Variants in CAST observed in about 807,000 individuals in gnomAD.
CAST encodes the protein MIR583 host.
In CAST, 76 loss-of-function variants were observed where a neutral mutation model predicts 119.6. That is an observed-to-expected ratio of 0.64 (90% confidence interval 0.53 to 0.77). The LOEUF is 0.77. Among genes scored for constraint, CAST ranks in the 30% least tolerant of loss-of-function variants. The pLI, the probability that CAST is intolerant of heterozygous loss-of-function variation, is 0.00. For missense variants in CAST, 953 were observed against 946.5 expected (o/e 1.01, Z -0.09); for synonymous variants, 319 against 331.6 (o/e 0.96, Z 0.41).
intron 1 of CAST, among the ~76,000 whole-genome samples, chr5:96,576,238 A>C (rs1354388864): frequency 6.6e-6 from 1 of 152,146 alleles, no homozygotes; most frequent in East Asian, 1.9e-4. Flanking sequence ...ATGAGTTGAA[A>C]AGTGTTCCTT....
the CAST span, among the ~76,000 whole-genome samples, chr5:96,286,386 G>A: frequency 6.6e-6 from 1 of 152,164 alleles, no homozygotes; most frequent in Non-Finnish European, 1.5e-5. Context: ...ATGGATGGAA[G>A]CTGCAAACAA....
chr5:96,658,795 T>C (rs1205715379), upstream of CAST, among the ~76,000 whole-genome samples: 1 of 152,200 alleles, frequency 6.6e-6, no homozygotes, highest in East Asian at 1.9e-4. Context: ...AGGGAACTGA[T>C]ATTCAAAGTG....
chr5:96,231,321 A>T, the CAST span, among the ~76,000 whole-genome samples: 6 of 152,312 alleles, frequency 3.9e-5, no homozygotes, highest in South Asian at 1.2e-3. Context: ...TGAAGTGCTG[A>T]TATATGCTAC....
At chr5:96,471,406 C>T in the CAST span, among the ~76,000 whole-genome samples, 1 of 152,136 alleles carries the variant, frequency 6.6e-6, no homozygotes, top group Non-Finnish European at 1.5e-5. Flanking sequence ...TTTGCTTGAA[C>T]TAGCTAAAAT....
chr5:96,263,177 T>A, the CAST span, among the ~76,000 whole-genome samples: 1 of 152,198 alleles, frequency 6.6e-6, no homozygotes, highest in African/African-American at 2.4e-5. Flanking sequence ...GATCCCCAAG[T>A]GATTCTAATG....
the CAST span, among the ~76,000 whole-genome samples, chr5:96,338,153 C>T: frequency 6.6e-6 from 1 of 152,224 alleles, no homozygotes; most frequent in Non-Finnish European, 1.5e-5. Context: ...TTAAGAAGTT[C>T]TGTCATCATC....
chr5:96,214,891 C>T, the CAST span: 1 of 152,154 alleles, frequency 6.6e-6, no homozygotes, highest in Non-Finnish European at 1.5e-5. Flanking sequence ...GCTCTGTCCT[C>T]CTCTGACCTC....
At chr5:96,302,001 C>G in the CAST span, among the ~76,000 whole-genome samples, 1 of 152,206 alleles carries the variant, frequency 6.6e-6, no homozygotes, top group Non-Finnish European at 1.5e-5. Context: ...TAGAGGTTCT[C>G]CATGAGGACA....
the CAST span, among the ~76,000 whole-genome samples, chr5:96,068,835 G>GTA: frequency 2.0e-5 from 3 of 150,244 alleles, no homozygotes; most frequent in East Asian, 2.0e-4. Flanking sequence ...ACACACATAT[G>GTA]TATATATATA....
chr5:96,191,089 C>T, the CAST span, among the ~76,000 whole-genome samples: 1 of 152,140 alleles, frequency 6.6e-6, no homozygotes, highest in African/African-American at 2.4e-5. Flanking sequence ...GCACAGTAGT[C>T]CATGGAGCTT....
chr5:96,283,054 C>T, the CAST span, among the ~76,000 whole-genome samples: 10 of 145,864 alleles, frequency 6.9e-5, no homozygotes, highest in Non-Finnish European at 1.0e-4. Context: ...GGCGTGAACC[C>T]GGGAGGCGGA....
At chr5:96,739,457 A>G (rs755385955) in intron 11 of CAST, among the ~76,000 whole-genome samples, 14 of 152,270 alleles carry the variant, frequency 9.2e-5, no homozygotes, top group Non-Finnish European at 1.9e-4. Context: ...GCAGAATGAT[A>G]TGTAGAATAT....
the CAST span, among the ~76,000 whole-genome samples, chr5:96,127,464 G>T: frequency 6.6e-6 from 1 of 152,082 alleles, no homozygotes; most frequent in Non-Finnish European, 1.5e-5. Flanking sequence ...TCTGAAAGCT[G>T]AGTACTTCAC....
chr5:96,006,610 C>G, the CAST span, among the ~76,000 whole-genome samples: 1 of 152,146 alleles, frequency 6.6e-6, no homozygotes, highest in Non-Finnish European at 1.5e-5. Flanking sequence ...ATCAAACCTT[C>G]TGATGCCAGG....
At chr5:96,704,899 G>A (rs1219780754) in intron 3 of CAST, among the ~76,000 whole-genome samples, 1 of 152,164 alleles carries the variant, frequency 6.6e-6, no homozygotes, top group Non-Finnish European at 1.5e-5. Flanking sequence ...GGCATTTTGG[G>A]TGACAATTCT....
chr5:96,634,706 T>A (rs1234026320), intron 1 of CAST, among the ~76,000 whole-genome samples: 1 of 152,220 alleles, frequency 6.6e-6, no homozygotes, highest in Non-Finnish European at 1.5e-5. Flanking sequence ...TTTGACTAAT[T>A]CCTAATATAT....
At chr5:96,183,031 C>T in the CAST span, among the ~76,000 whole-genome samples, 32 of 151,832 alleles carry the variant, frequency 2.1e-4, no homozygotes, top group African/African-American at 6.3e-4. Context: ...CCCAGCTCCT[C>T]GGGAGGCTGA....
chr5:96,201,044 G>T, the CAST span, among the ~76,000 whole-genome samples: 2 of 152,096 alleles, frequency 1.3e-5, no homozygotes, highest in Admixed American at 1.3e-4. Context: ...AGAAAAGTAG[G>T]CAGATATCCA....
At chr5:96,697,801 C>T (rs973749191) in intron 3 of CAST, among the ~76,000 whole-genome samples, 13 of 152,172 alleles carry the variant, frequency 8.5e-5, no homozygotes, top group African/African-American at 2.9e-4. Flanking sequence ...CTTCTCTTGT[C>T]AGGGCTGTTG....
Sources: allele counts gnomAD v4.1 joint callset (sites outside exome capture counted in the v4.1 genomes callset), GRCh38; gene constraint gnomAD v4.1.1; transcripts MANE v1.5; gene names NCBI Gene and HGNC (gene_info 2026-07-23, HGNC 2026-07-21).